EIF2AK4: variants seen among roughly 807,000 people sequenced by gnomAD.
EIF2AK4 encodes the protein eIF-2-alpha kinase GCN2.
EIF2AK4 carries 139 observed loss-of-function variants against 211.1 expected under a neutral mutation model. That is an observed-to-expected ratio of 0.66 (90% CI 0.57 to 0.76). The LOEUF (loss-of-function observed/expected upper bound fraction) is 0.76. Among genes scored for constraint, EIF2AK4 ranks in the 30% least tolerant of loss-of-function variants. EIF2AK4 has a pLI of 0.00. For synonymous variants in EIF2AK4, 710 were observed against 751.3 expected (o/e 0.94, Z 0.90); for missense variants, 1,664 against 2,043.8 (o/e 0.81, Z 3.58).
intron 34 of EIF2AK4, 110 bp downstream of exon 34, chr15:40,029,574 A>G: frequency 1.8e-6 from 2 of 1,129,086 alleles, no homozygotes; most frequent in Non-Finnish European, 2.5e-6. Context: ...TTAAAATAAC[A>G]TATACGCAAT....
At chr15:39,943,000 G>A (rs2412451) in intron 2 of EIF2AK4, among the ~76,000 whole-genome samples, 62,767 of 151,960 alleles carry the variant, frequency 0.41, 15,346 homozygotes, top group East Asian at 0.85. Context: ...TTAAGTTACT[G>A]GGCTAGAGTC....
At chr15:39,958,612 C>T (rs1422827521) in intron 6 of EIF2AK4, among the ~76,000 whole-genome samples, 1 of 152,214 alleles carries the variant, frequency 6.6e-6, no homozygotes, top group Admixed American at 6.5e-5. Context: ...GAGGCATAGA[C>T]TGGTTTACCT....
chr15:39,973,093 G>A lies in EIF2AK4; in HGVS notation c.1660+79G>A. Reference sequence around the variant, plus strand: ...GAAAGTATACATAAACCAAAAACTGGAAGGGGCTGCATGTGTTATTTTATG... The same window carrying A: ...GAAAGTATACATAAACCAAAAACTGAAAGGGGCTGCATGTGTTATTTTATG... On this transcript the variant is annotated intron_variant, in intron 10 of 38. Coordinates refer to ENST00000263791, the MANE Select transcript of EIF2AK4 (RefSeq NM_001013703.4). 3 of 1,163,130 alleles carry A rather than the reference G, an allele frequency of 2.6e-6. No homozygotes were observed. In the South Asian group the frequency reaches 3.7e-5, roughly 14 times the overall value. The allele number at this position is 1,163,130 out of a possible 1,614,324, so 72.1% of individuals were successfully genotyped here.
intron 5 of EIF2AK4, among the ~76,000 whole-genome samples, chr15:39,954,582 T>G (rs1026191919): frequency 4.6e-5 from 7 of 152,190 alleles, no homozygotes; most frequent in Admixed American, 6.5e-5. Flanking sequence ...GAAAATAAAA[T>G]GATTTGTTGA....
At chr15:39,950,834 A>G (rs2034299018) in intron 4 of EIF2AK4, among the ~76,000 whole-genome samples, 5 of 152,180 alleles carry the variant, frequency 3.3e-5, no homozygotes, top group Admixed American at 2.0e-4. Context: ...GAAAGAGAAG[A>G]ATTTACTTGT....
At chr15:40,005,684 G>C (rs1478042598) in intron 23 of EIF2AK4, among the ~76,000 whole-genome samples, 3 of 151,120 alleles carry the variant, frequency 2.0e-5, no homozygotes, top group Admixed American at 2.0e-4. Context: ...CCATTCTCCT[G>C]CCTCACCCTC....
intron 37 of EIF2AK4, among the ~76,000 whole-genome samples, chr15:40,033,152 A>T (rs1019115912): frequency 5.3e-5 from 8 of 152,222 alleles, no homozygotes; most frequent in African/African-American, 1.9e-4. Context: ...AAATGTAGAT[A>T]CTGTTATTAT....
At position 40,019,120 on chromosome 15, in the gene EIF2AK4, C is replaced by T; in HGVS notation, c.4093C>T (p.Leu1365=). The T allele has an allele frequency of 1.2e-6, 2 of 1,607,898 alleles. No homozygotes were observed. The highest frequency in any genetic ancestry group is 1.7e-6 in the Non-Finnish European group (2 of 1,177,026). The change falls in exon 30 of 39, where the codon CTG becomes TTG. Residue 1365 remains leucine, a synonymous_variant. Coordinates refer to ENST00000263791, the MANE Select transcript of EIF2AK4 (RefSeq NM_001013703.4). ...TCCCCAGTTTAGAGGGCCACAAGCT[C>T]TGGGGCCAGTTCCCACTGCCATTGG... ...LIPQFRGPQA[L]GPVPTAIGVS...
At chr15:39,996,832 G>T in intron 18 of EIF2AK4, 132 bp from the exon 19 acceptor site, 1 of 604,470 alleles carries the variant, frequency 1.7e-6, no homozygotes, top group Non-Finnish European at 3.0e-6. Flanking sequence ...ACAAATCTTC[G>T]CATTTTTCCA....
chr15:40,007,769 A>G (rs2035181093), intron 24 of EIF2AK4, among the ~76,000 whole-genome samples: 1 of 152,072 alleles, frequency 6.6e-6, no homozygotes, highest in African/African-American at 2.4e-5. Context: ...CTAAGGTAAA[A>G]TTTTTTGGTG....
intron 33 of EIF2AK4, 66 bp from the exon 34 acceptor site, chr15:40,029,340 T>G: frequency 3.1e-6 from 5 of 1,592,124 alleles, no homozygotes; most frequent in Non-Finnish European, 4.3e-6. Context: ...TGTAGTTCAC[T>G]GTAAGTTATG....
intron 9 of EIF2AK4, among the ~76,000 whole-genome samples, chr15:39,968,287 A>G (rs115499363): frequency 0.011 from 1,613 of 152,294 alleles, 36 homozygotes; most frequent in African/African-American, 0.037. Context: ...GTGCTTCTTA[A>G]CCATTCTTCA....
At chr15:40,006,507 T>C (rs182457044) in intron 23 of EIF2AK4, among the ~76,000 whole-genome samples, 35 of 152,298 alleles carry the variant, frequency 2.3e-4, no homozygotes, top group African/African-American at 8.2e-4. Context: ...TGATACCATG[T>C]TGGATCTGTT....
In EIF2AK4 at chr15:39,955,742, T is replaced by C. The variant is rs781328957; in HGVS notation, c.717T>C (p.His239=). The C allele has an allele frequency of 2.5e-6, 4 of 1,611,586 alleles. No homozygotes were observed. In the East Asian group the frequency reaches 8.9e-5, roughly 36 times the overall value. Residue 239 remains histidine, a synonymous_variant, in exon 6 of 39, where the codon CAT becomes CAC. Transcript: ENST00000263791. ...CTGACTTTGTAGGAAATGGTAAACA[T>C]CGGGCAAACTCCTCAGGAAGGTCTA... ...GSPDFVGNGK[H]RANSSGRSRR... is the part of the protein sequence containing the mutation.
rs192332656 is a variant in EIF2AK4, at chr15:40,023,179, G to T, written c.4389+574G>T. ...TCTCTTTTTCCAGCTAAGAAAATAA[G>T]AATAAGTAAAGTTGTATCTGCTGAT... On this transcript the variant is annotated intron_variant, in intron 32 of 38. Coordinates refer to ENST00000263791, the MANE Select transcript of EIF2AK4 (RefSeq NM_001013703.4). 5.3e-4 allele frequency among the ~76,000 whole-genome samples: 81 copies of T among 152,262 alleles called. 1 individual carries two copies. In the East Asian group the frequency reaches 0.013, roughly 24 times the overall value.
intron 33 of EIF2AK4, among the ~76,000 whole-genome samples, chr15:40,027,202 TG>T (rs1345793464): frequency 6.6e-6 from 1 of 152,232 alleles, no homozygotes; most frequent in East Asian, 1.9e-4. Flanking sequence ...TTTAGTACAC[TG>T]TTTTACATTT....
chr15:40,032,370 C>A, intron 36 of EIF2AK4, 133 bp downstream of exon 36: 2 of 713,646 alleles, frequency 2.8e-6, no homozygotes, highest in South Asian at 1.8e-5. Flanking sequence ...GTGAACTACA[C>A]GCAATTTAAA....
At chr15:39,945,752 T>C (rs2034218841) in intron 3 of EIF2AK4, among the ~76,000 whole-genome samples, 1 of 152,222 alleles carries the variant, frequency 6.6e-6, no homozygotes, top group Non-Finnish European at 1.5e-5. Context: ...ACTCGCTTGT[T>C]AGGAGCTAAT....
chr15:39,983,395 TG>T (rs376993903), intron 13 of EIF2AK4, among the ~76,000 whole-genome samples: 44 of 152,348 alleles, frequency 2.9e-4, no homozygotes, highest in African/African-American at 1.1e-3. Flanking sequence ...TTGATGGAGT[TG>T]TTTTTTTCTT....
Sources: allele counts gnomAD v4.1 joint callset (sites outside exome capture counted in the v4.1 genomes callset), GRCh38; gene constraint gnomAD v4.1.1; transcripts MANE v1.5; gene names NCBI Gene and HGNC (gene_info 2026-07-23, HGNC 2026-07-21).